The following CDK17 variants were observed in gnomAD, a reference collection of about 807,000 sequenced individuals.
CDK17 encodes cyclin dependent kinase 17, also known as cyclin-dependent kinase 17.
In CDK17, 24 loss-of-function variants were observed where a neutral mutation model predicts 77.6. That is an observed-to-expected ratio of 0.31 (90% confidence interval 0.22 to 0.44). The LOEUF is 0.44. Ranked by LOEUF, CDK17 falls within the 20% of genes least tolerant of loss-of-function variation. The probability of loss-of-function intolerance (pLI) is 1.00; values close to 1 mark genes in which losing one functional copy is unlikely to be tolerated. For missense variants in CDK17, 429 were observed against 622.5 expected, an observed-to-expected ratio of 0.69 and a Z score of 3.31; for synonymous variants, 203 against 210.4, an observed-to-expected ratio of 0.96 and a Z score of 0.30.
intron 1 of CDK17, among the ~76,000 whole-genome samples, chr12:96,336,657 G>C (rs903326112): frequency 6.6e-6 from 1 of 152,104 alleles, no homozygotes; most frequent in African/African-American, 2.4e-5. Context: ...GTTTAAAGTC[G>C]AGTTTATGCC....
At chr12:96,306,309 G>A (rs1280345185) in intron 5 of CDK17, among the ~76,000 whole-genome samples, 2 of 152,038 alleles carry the variant, frequency 1.3e-5, no homozygotes, top group African/African-American at 4.8e-5. Context: ...GCTTACACCT[G>A]TAATGTCAGT....
At chr12:96,348,328 C>G (rs560820813) in intron 1 of CDK17, among the ~76,000 whole-genome samples, 2 of 151,828 alleles carry the variant, frequency 1.3e-5, no homozygotes, top group Admixed American at 6.6e-5. Context: ...AGTTTGAGAC[C>G]AGCCTAGCCA....
intron 1 of CDK17, among the ~76,000 whole-genome samples, chr12:96,339,920 CTCAA>C (rs974547823): frequency 2.0e-5 from 3 of 151,868 alleles, no homozygotes; most frequent in East Asian, 1.9e-4. Flanking sequence ...GAGACTCTGT[CTCAA>C]TCAATCAATC....
At chr12:96,363,978 T>C (rs576139848) in intron 1 of CDK17, among the ~76,000 whole-genome samples, 1 of 152,230 alleles carries the variant, frequency 6.6e-6, no homozygotes, top group African/African-American at 2.4e-5. Context: ...TACAGCATAA[T>C]CCTCTTTAGA....
chr12:96,362,025 C>T (rs961010222), intron 1 of CDK17, among the ~76,000 whole-genome samples: 2 of 152,060 alleles, frequency 1.3e-5, no homozygotes, highest in Non-Finnish European at 2.9e-5. Context: ...TAATAGTTGA[C>T]TTTTTATTAA....
chr12:96,294,350 G>C (rs1181693114), intron 10 of CDK17, among the ~76,000 whole-genome samples: 2 of 151,992 alleles, frequency 1.3e-5, no homozygotes, highest in African/African-American at 4.8e-5. Flanking sequence ...TCAGCACTTT[G>C]GGAGGCCGAG....
At chr12:96,357,004 A>G (rs1953403561) in intron 1 of CDK17, among the ~76,000 whole-genome samples, 1 of 152,228 alleles carries the variant, frequency 6.6e-6, no homozygotes, top group African/African-American at 2.4e-5. Context: ...ACAGCTGTTC[A>G]GTTTCAGAGA....
chr12:96,298,773 CATTT>C (rs1952451955), intron 7 of CDK17, 92 bp downstream of exon 7: 1 of 623,454 alleles, frequency 1.6e-6, no homozygotes. Flanking sequence ...ATCTTCCAGT[CATTT>C]ATTACTTGTA....
intron 10 of CDK17, 73 bp from the exon 11 acceptor site, chr12:96,289,360 ACTC>A (rs1440556293): frequency 8.4e-6 from 13 of 1,539,090 alleles, no homozygotes; most frequent in African/African-American, 1.4e-5. Flanking sequence ...TCTCACCATG[ACTC>A]CATTCAAAGG....
intron 5 of CDK17, among the ~76,000 whole-genome samples, chr12:96,301,549 C>G (rs1002257157): frequency 6.6e-6 from 1 of 152,082 alleles, no homozygotes; most frequent in African/African-American, 2.4e-5. Context: ...AAGTTGCTTT[C>G]TAGTACCCCT....
intron 3 of CDK17, among the ~76,000 whole-genome samples, chr12:96,320,176 G>A (rs1443605544): frequency 1.3e-5 from 2 of 151,714 alleles, no homozygotes; most frequent in Non-Finnish European, 2.9e-5. Flanking sequence ...GACAAACAGA[G>A]AGCCAAATCA....
chr12:96,365,355 T>A (rs2137196528), intron 1 of CDK17, among the ~76,000 whole-genome samples: 1 of 152,224 alleles, frequency 6.6e-6, no homozygotes, highest in East Asian at 1.9e-4. Context: ...AAAAGATAAA[T>A]TTACCATTCC....
At chr12:96,313,848 A>T (rs921979458) in intron 3 of CDK17, among the ~76,000 whole-genome samples, 2 of 152,032 alleles carry the variant, frequency 1.3e-5, no homozygotes, top group South Asian at 4.1e-4. Flanking sequence ...ACACCTGGTC[A>T]TCTGCCTCTT....
At position 96,291,768 on chromosome 12, in the gene CDK17, G is replaced by A. The variant is rs1360346994; in HGVS notation, c.998-2481C>T. The stretch of plus-strand genomic sequence containing the variant: ...CAAATAGCTGGGATTACAGGTGTCC[G>A]CCACAATGCCCAGCTAACTTTTCTA... On this transcript the variant is annotated intron_variant, in intron 10 of 16. Transcript: ENST00000261211. Among the ~76,000 whole-genome samples the A allele has an allele frequency of 3.3e-5, 5 of 151,722 alleles. No individual in the cohort carries two copies. In the East Asian group the frequency reaches 9.7e-4, roughly 29 times the overall value.
At chr12:96,317,316 G>A (rs1196481650) in intron 3 of CDK17, among the ~76,000 whole-genome samples, 14 of 129,702 alleles carry the variant, frequency 1.1e-4, no homozygotes, top group African/African-American at 3.4e-4. Flanking sequence ...CCAAATCTAC[G>A]TCTGATTGGT....
At chr12:96,334,429 ATAT>A (rs1228231259) in intron 2 of CDK17, among the ~76,000 whole-genome samples, 4 of 152,192 alleles carry the variant, frequency 2.6e-5, no homozygotes, top group African/African-American at 9.6e-5. Context: ...AATCAAGATA[ATAT>A]TATAAAATGC....
chr12:96,359,854 T>C (rs376902994), intron 1 of CDK17, among the ~76,000 whole-genome samples: 2 of 152,144 alleles, frequency 1.3e-5, no homozygotes, highest in East Asian at 1.9e-4. Flanking sequence ...GATAAGTACA[T>C]AGAAATTTCA....
chr12:96,348,535 AAAAAAAAC>A (rs1389932681), intron 1 of CDK17, among the ~76,000 whole-genome samples: 10 of 151,174 alleles, frequency 6.6e-5, no homozygotes, highest in Non-Finnish European at 1.3e-4. Flanking sequence ...AAAAAAAAAA[AAAAAAAAC>A]AAAAAAGAAA....
chr12:96,387,814 G>A (rs2137238894), intron 1 of CDK17, among the ~76,000 whole-genome samples: 1 of 151,936 alleles, frequency 6.6e-6, no homozygotes, highest in East Asian at 1.9e-4. Flanking sequence ...ATGGTGGTGT[G>A]CACCTGTGGT....
Sources: allele counts gnomAD v4.1 joint callset (sites outside exome capture counted in the v4.1 genomes callset), GRCh38; gene constraint gnomAD v4.1.1; transcripts MANE v1.5; gene names NCBI Gene and HGNC (gene_info 2026-07-23, HGNC 2026-07-21).